FAM227A: variants seen among roughly 807,000 people sequenced by gnomAD.
FAM227A encodes family with sequence similarity 227 member A, also known as protein FAM227A.
A neutral mutation model predicts 74.7 loss-of-function variants in FAM227A; 80 were observed. The ratio of observed to expected loss-of-function variants is 1.07; its 90% CI spans 0.89 to 1.29. The LOEUF (loss-of-function observed/expected upper bound fraction) is 1.29, where lower values mean the gene tolerates loss of function less well. Ranked by LOEUF, FAM227A falls within the 50% of genes most tolerant of loss-of-function variation. FAM227A has a pLI of 0.00. For synonymous variants in FAM227A, 237 were observed against 241.8 expected, an observed-to-expected ratio of 0.98 and a Z score of 0.19; for missense variants, 654 against 683.4, an observed-to-expected ratio of 0.96 and a Z score of 0.48.
chr22:38,620,558 C>G (rs1474466924), intron 10 of FAM227A, among the ~76,000 whole-genome samples: 1 of 152,090 alleles, frequency 6.6e-6, no homozygotes, highest in Non-Finnish European at 1.5e-5. Context: ...AATCCCAGCA[C>G]TTTGGGAGGC....
intron 3 of FAM227A, 57 bp from the exon 4 acceptor site, chr22:38,639,781 G>T: frequency 2.4e-6 from 3 of 1,234,848 alleles, no homozygotes; most frequent in Non-Finnish European, 2.3e-6. Flanking sequence ...CTGGAGAAGG[G>T]TGGGGTTAGG....
intron 3 of FAM227A, among the ~76,000 whole-genome samples, chr22:38,643,285 CT>C (rs2092155001): frequency 6.6e-6 from 1 of 151,210 alleles, no homozygotes; most frequent in Admixed American, 6.6e-5. Flanking sequence ...CACTGCACTC[CT>C]GCCCGGGTGA....
intron 3 of FAM227A, among the ~76,000 whole-genome samples, chr22:38,640,817 C>T (rs2092099592): frequency 6.6e-6 from 1 of 152,088 alleles, no homozygotes; most frequent in Admixed American, 6.6e-5. Flanking sequence ...CTGGGAAATA[C>T]CTCTCCAGGC....
At chr22:38,622,304 A>G (rs1424159687) in intron 10 of FAM227A, among the ~76,000 whole-genome samples, 1 of 152,230 alleles carries the variant, frequency 6.6e-6, no homozygotes, top group African/African-American at 2.4e-5. Context: ...CCACCAGCTC[A>G]TCCTTGAATT....
chr22:38,588,421 C>T (rs545142557), intron 16 of FAM227A, among the ~76,000 whole-genome samples: 106 of 151,354 alleles, frequency 7.0e-4, no homozygotes, highest in South Asian at 2.1e-3. Flanking sequence ...GAGTTCGAGA[C>T]CAGCCTGGCC....
intron 8 of FAM227A, among the ~76,000 whole-genome samples, chr22:38,626,698 T>C (rs1256616459): frequency 6.7e-6 from 1 of 150,176 alleles, no homozygotes; most frequent in African/African-American, 2.5e-5. Context: ...ACTGTGTCTC[T>C]ACTAAAAATA....
intron 15 of FAM227A, among the ~76,000 whole-genome samples, chr22:38,592,790 A>C (rs1369467454): frequency 6.6e-6 from 1 of 152,208 alleles, no homozygotes; most frequent in African/African-American, 2.4e-5. Context: ...ACCTAATTAT[A>C]ACTGATACAA....
At chr22:38,638,119 C>T (rs911337132) in intron 5 of FAM227A, among the ~76,000 whole-genome samples, 7 of 152,054 alleles carry the variant, frequency 4.6e-5, no homozygotes, top group Non-Finnish European at 8.8e-5. Context: ...AAGCTGAGAT[C>T]GTGCCACTGC....
In FAM227A at chr22:38,650,119, ATAGG is replaced by A. The variant is rs2092303373; in HGVS notation, c.46_49del (p.Pro16Ter). On this transcript the variant is annotated frameshift_variant, in exon 2 of 17. Coordinates refer to ENST00000535113, the MANE Select transcript of FAM227A (RefSeq NM_001013647.2). LOFTEE classifies it high-confidence loss of function. ...AGCCAGGTGCTCATCCACTGGTATC[ATAGG>A]TAGGGTGGTGAGGTTGATGACCTCC... is the stretch of plus-strand genomic sequence containing the variant. The A allele has an allele frequency of 6.4e-7, 1 of 1,551,900 alleles. No homozygotes were observed. Among genetic ancestry groups the A allele is most frequent in the Non-Finnish European group, 8.7e-7 (1 of 1,147,024 alleles).
At chr22:38,644,145 C>CAAA (rs950184744) in intron 3 of FAM227A, among the ~76,000 whole-genome samples, 899 of 42,676 alleles carry the variant, frequency 0.021, 21 homozygotes, top group Non-Finnish European at 0.03. Flanking sequence ...GACTCCATCT[C>CAAA]AAAAAAAAAA....
chr22:38,629,982 C>T (rs2091884899), intron 6 of FAM227A, among the ~76,000 whole-genome samples: 1 of 139,856 alleles, frequency 7.2e-6, no homozygotes, highest in African/African-American at 2.7e-5. Flanking sequence ...CGTGCCTCTT[C>T]TTTAACCATC....
chr22:38,602,220 G>A (rs2091192926), intron 13 of FAM227A, among the ~76,000 whole-genome samples: 1 of 152,114 alleles, frequency 6.6e-6, no homozygotes. Flanking sequence ...TGACATTTGG[G>A]GCTGGATATT....
intron 6 of FAM227A, among the ~76,000 whole-genome samples, chr22:38,632,006 G>A (rs868176088): frequency 3.3e-5 from 5 of 152,272 alleles, no homozygotes; most frequent in Middle Eastern, 3.4e-3. Context: ...TCCTAAGAGT[G>A]CGCAGAGGTA....
intron 2 of FAM227A, 48 bp from the exon 3 acceptor site, chr22:38,645,693 C>T (rs1214270610): frequency 6.5e-6 from 8 of 1,226,618 alleles, no homozygotes. Flanking sequence ...ATTACACACA[C>T]AACAGGATGG....
chr22:38,641,742 T>A (rs1603053589), intron 3 of FAM227A, among the ~76,000 whole-genome samples: 1 of 152,128 alleles, frequency 6.6e-6, no homozygotes, highest in African/African-American at 2.4e-5. Flanking sequence ...CAAATCTCTC[T>A]ATCTCCATAT....
chr22:38,628,974 T>A, intron 6 of FAM227A, 39 bp from the exon 7 acceptor site: 1 of 1,240,472 alleles, frequency 8.1e-7, no homozygotes, highest in Non-Finnish European at 1.1e-6. Flanking sequence ...ATTGTTGTTA[T>A]CTTTTTAAAA....
intron 10 of FAM227A, among the ~76,000 whole-genome samples, chr22:38,621,946 G>A (rs761578309): frequency 6.6e-6 from 1 of 151,948 alleles, no homozygotes; most frequent in Non-Finnish European, 1.5e-5. Context: ...CCAATCCCCT[G>A]CAGGACAATT....
At chr22:38,611,170 G>A (rs567109552) in intron 11 of FAM227A, among the ~76,000 whole-genome samples, 7 of 152,292 alleles carry the variant, frequency 4.6e-5, no homozygotes, top group African/African-American at 1.7e-4. Flanking sequence ...GGTAAACCAA[G>A]ACTGTTCTGA....
intron 1 of FAM227A, among the ~76,000 whole-genome samples, chr22:38,650,618 G>A (rs1006211143): frequency 2.6e-5 from 4 of 152,158 alleles, no homozygotes; most frequent in Non-Finnish European, 4.4e-5. Context: ...GCTTCTCTGA[G>A]TCCCAACTCT....
Sources: allele counts gnomAD v4.1 joint callset (sites outside exome capture counted in the v4.1 genomes callset), GRCh38; gene constraint gnomAD v4.1.1; transcripts MANE v1.5; gene names NCBI Gene and HGNC (gene_info 2026-07-23, HGNC 2026-07-21).